Variants in LAMA2 observed in about 807,000 individuals in gnomAD.
LAMA2 encodes the protein laminin subunit alpha 2.
LAMA2 carries 269 observed loss-of-function variants against 364.8 expected under a neutral mutation model. The observed-to-expected ratio is 0.74, with a 90% CI of 0.67 to 0.82. The LOEUF (loss-of-function observed/expected upper bound fraction) is 0.82, where lower values mean the gene tolerates loss of function less well. Among genes scored for constraint, LAMA2 ranks in the 40% least tolerant of loss-of-function variants. LAMA2 has a pLI of 0.00. For synonymous variants in LAMA2, 1,379 were observed against 1,370.6 expected, an observed-to-expected ratio of 1.01 and a Z score of -0.14; for missense variants, 3,807 against 3,873.2, an observed-to-expected ratio of 0.98 and a Z score of 0.45.
intron 17 of LAMA2, among the ~76,000 whole-genome samples, chr6:129,276,127 C>T (rs891713732): frequency 6.6e-6 from 1 of 152,072 alleles, no homozygotes; most frequent in African/African-American, 2.4e-5. Flanking sequence ...TCCTCTTCCT[C>T]TCAGTCCCTG....
At position 129,051,422 on chromosome 6, in the gene LAMA2, C is replaced by T. The variant is rs190646014; in HGVS notation, c.283+1334C>T. On this transcript the variant is annotated intron_variant, in intron 2 of 64. Transcript: ENST00000421865. The stretch of plus-strand genomic sequence containing the variant: ...CCATCTCCCGGGTTCAAGCAATTCT[C>T]CTGCCTCAGCCTCCCGAGTAGCTGG... Among the ~76,000 whole-genome samples the T allele has an allele frequency of 8.8e-3, 932 of 106,300 alleles. 11 individuals carry two copies. Among genetic ancestry groups the T allele is most frequent in the African/African-American group, 0.029 (835 of 29,296 alleles). 69.7% of individuals were successfully genotyped at this position (106,300 alleles called of 152,430 possible).
At chr6:129,099,128 T>TG (rs1447633738) in intron 4 of LAMA2, among the ~76,000 whole-genome samples, 2 of 148,878 alleles carry the variant, frequency 1.3e-5, no homozygotes, top group Non-Finnish European at 3.0e-5. Context: ...TTTTTTTGTT[T>TG]TTTTTTTTTT....
chr6:129,202,187 C>CAAAAAAAAAAAAAAAAAAAAAA (rs776190977), intron 12 of LAMA2, among the ~76,000 whole-genome samples: 3 of 62,140 alleles, frequency 4.8e-5, no homozygotes, highest in Admixed American at 4.3e-4. Context: ...GAGTCTGTCT[C>CAAAAAAAAAAAAAAAAAAAAAA]AAAAAAAAAA....
At chr6:129,181,869 CT>C (rs1780951842) in intron 10 of LAMA2, among the ~76,000 whole-genome samples, 1 of 151,742 alleles carries the variant, frequency 6.6e-6, no homozygotes, top group Admixed American at 6.6e-5. Context: ...AAGTCTACCC[CT>C]AGTAGAAAAC....
intron 18 of LAMA2, among the ~76,000 whole-genome samples, chr6:129,284,284 C>T (rs1373774788): frequency 6.6e-6 from 1 of 152,084 alleles, no homozygotes; most frequent in Non-Finnish European, 1.5e-5. Context: ...TTCACTCCTC[C>T]ATCCGAGACT....
chr6:128,952,059 C>T (rs759982585), intron 1 of LAMA2, among the ~76,000 whole-genome samples: 20 of 151,856 alleles, frequency 1.3e-4, no homozygotes, highest in Non-Finnish European at 1.9e-4. Context: ...CCCTGATACT[C>T]GAGAGGCTGA....
intron 32 of LAMA2, among the ~76,000 whole-genome samples, chr6:129,363,642 G>A (rs1302408196): frequency 2.0e-5 from 3 of 152,196 alleles, no homozygotes; most frequent in African/African-American, 4.8e-5. Flanking sequence ...TATCACCTGG[G>A]AGCTTGTTAG....
At chr6:129,011,286 C>A (rs1784754149) in intron 1 of LAMA2, among the ~76,000 whole-genome samples, 1 of 152,194 alleles carries the variant, frequency 6.6e-6, no homozygotes, top group Non-Finnish European at 1.5e-5. Flanking sequence ...TAGAGAGTAA[C>A]TGAAATTAAC....
In LAMA2 at chr6:129,143,934, G is replaced by A. The variant is rs754558913; in HGVS notation, c.673G>A (p.Ala225Thr). 4 of 1,610,804 alleles carry A rather than the reference G, an allele frequency of 2.5e-6. No individual in the cohort carries two copies. The South Asian group carries it at 3.3e-5, about 13-fold the overall frequency. Residue 225 changes from alanine (A) to threonine (T), a missense_variant, in exon 5 of 65, where the codon GCC becomes ACC. Physicochemically the swap from Ala to Thr is moderately conservative, Grantham distance 58. Around this residue, in one of 3 missense-constraint regions of LAMA2, gnomAD observed 394 missense variants for 403.5 expected, o/e 0.98. Coordinates refer to ENST00000421865, the MANE Select transcript of LAMA2 (RefSeq NM_000426.4). ...HISLINGRPS[A>T]DDPSPELLEF... ...CTCTTTAATCAATGGGAGACCAAGT[G>A]CCGATGATCCTTCTCCAGAACTGCT...
At chr6:129,160,219 G>C (rs1779367454) in intron 8 of LAMA2, among the ~76,000 whole-genome samples, 1 of 152,072 alleles carries the variant, frequency 6.6e-6, no homozygotes, top group Non-Finnish European at 1.5e-5. Context: ...GAAACTATCT[G>C]AGTCTCTAGT....
intron 1 of LAMA2, among the ~76,000 whole-genome samples, chr6:128,908,436 G>T (rs1383414747): frequency 1.3e-5 from 2 of 149,702 alleles, no homozygotes; most frequent in East Asian, 3.9e-4. Context: ...GGTGTTTATA[G>T]TATTCTCTGA....
intron 22 of LAMA2, among the ~76,000 whole-genome samples, chr6:129,307,568 AC>A (rs1220958669): frequency 6.6e-6 from 1 of 152,190 alleles, no homozygotes; most frequent in African/African-American, 2.4e-5. Context: ...TTGCCTCTGT[AC>A]ACTGCTTCAT....
chr6:129,360,205 G>A (rs1259834824), intron 32 of LAMA2, among the ~76,000 whole-genome samples: 1 of 152,074 alleles, frequency 6.6e-6, no homozygotes, highest in Admixed American at 6.6e-5. Flanking sequence ...TTTACACTGA[G>A]CCATTACTGC....
chr6:129,159,733 A>G (rs1454168696), intron 8 of LAMA2, among the ~76,000 whole-genome samples: 1 of 152,032 alleles, frequency 6.6e-6, no homozygotes, highest in East Asian at 1.9e-4. Flanking sequence ...TGTGAACTGC[A>G]TATTTTTTTA....
chr6:129,106,642 A>G (rs17783485), intron 4 of LAMA2, among the ~76,000 whole-genome samples: 4,470 of 152,188 alleles, frequency 0.029, 99 homozygotes, highest in Non-Finnish European at 0.042. Flanking sequence ...TGAGGTTTAT[A>G]TGGAGTCCTC....
chr6:128,942,811 C>T (rs1336954977), intron 1 of LAMA2, among the ~76,000 whole-genome samples: 3 of 152,278 alleles, frequency 2.0e-5, no homozygotes, highest in South Asian at 4.1e-4. Context: ...AGTTGCAGTT[C>T]AGCCTTAAGT....
At chr6:129,124,064 G>GT (rs1231315321) in intron 4 of LAMA2, among the ~76,000 whole-genome samples, 2 of 151,846 alleles carry the variant, frequency 1.3e-5, no homozygotes, top group African/African-American at 4.8e-5. Flanking sequence ...ACCTCAACAT[G>GT]TTTTTTTTAA....
intron 17 of LAMA2, among the ~76,000 whole-genome samples, chr6:129,275,342 G>C (rs1338351997): frequency 6.6e-6 from 1 of 151,964 alleles, no homozygotes; most frequent in Non-Finnish European, 1.5e-5. Context: ...AAAGTTCAGA[G>C]AAATTAAGTG....
intron 40 of LAMA2, among the ~76,000 whole-genome samples, chr6:129,426,068 G>A (rs1781309703): frequency 6.6e-6 from 1 of 152,038 alleles, no homozygotes; most frequent in African/African-American, 2.4e-5. Context: ...TGACAATTCA[G>A]GATTGTATTA....
Sources: allele counts gnomAD v4.1 joint callset (sites outside exome capture counted in the v4.1 genomes callset), GRCh38; gene constraint gnomAD v4.1.1; regional missense constraint gnomAD v4.1.1; transcripts MANE v1.5; gene names NCBI Gene and HGNC (gene_info 2026-07-23, HGNC 2026-07-21).